DLC1: variants seen among roughly 807,000 people sequenced by gnomAD.
DLC1 encodes the protein rho GTPase-activating protein 7.
Under a neutral mutation model 140.3 loss-of-function variants are expected in DLC1, and 54 were observed. The observed-to-expected ratio is 0.38, with a 90% CI of 0.31 to 0.48. The LOEUF is 0.48. Among genes scored for constraint, DLC1 ranks in the 20% least tolerant of loss-of-function variants. The probability of loss-of-function intolerance (pLI) is 0.96; values close to 1 mark genes in which losing one functional copy is unlikely to be tolerated. For missense variants in DLC1, 2,536 were observed against 1,907.0 expected, an observed-to-expected ratio of 1.33 and a Z score of -6.14; for synonymous variants, 986 against 728.1, an observed-to-expected ratio of 1.35 and a Z score of -5.70.
chr8:13,378,584 A>G (rs1178611093), intron 4 of DLC1, among the ~76,000 whole-genome samples: 1 of 152,180 alleles, frequency 6.6e-6, no homozygotes, highest in Non-Finnish European at 1.5e-5. Flanking sequence ...GAATTATTTC[A>G]CTTATTTACA....
chr8:13,113,705 C>T (rs912486677), intron 6 of DLC1, among the ~76,000 whole-genome samples: 1 of 152,184 alleles, frequency 6.6e-6, no homozygotes, highest in Non-Finnish European at 1.5e-5. Flanking sequence ...TGCTGGTCCC[C>T]CTTTCCCCAA....
intron 1 of DLC1, among the ~76,000 whole-genome samples, chr8:13,587,598 A>C (rs1805372126): frequency 1.7e-5 from 1 of 57,226 alleles, no homozygotes; most frequent in African/African-American, 6.9e-5. Context: ...ATATATATAC[A>C]TTGCATATAT....
At chr8:13,582,021 T>C (rs529637838) in intron 1 of DLC1, among the ~76,000 whole-genome samples, 2 of 152,224 alleles carry the variant, frequency 1.3e-5, no homozygotes, top group African/African-American at 4.8e-5. Context: ...AAAGTTCTAG[T>C]CCCATGGGGT....
chr8:13,356,953 T>C (rs931409028), intron 4 of DLC1, among the ~76,000 whole-genome samples: 3 of 152,194 alleles, frequency 2.0e-5, no homozygotes, highest in South Asian at 4.1e-4. Context: ...GATTTACAAG[T>C]ACGAGTTCAG....
At chr8:13,602,726 A>G (rs1805930233) in intron 1 of DLC1, among the ~76,000 whole-genome samples, 1 of 151,930 alleles carries the variant, frequency 6.6e-6, no homozygotes, top group South Asian at 2.1e-4. Flanking sequence ...CCAGTTGCTA[A>G]AACAAAACAA....
intron 5 of DLC1, among the ~76,000 whole-genome samples, chr8:13,262,733 C>A (rs1032591272): frequency 7.9e-5 from 12 of 152,094 alleles, no homozygotes; most frequent in African/African-American, 2.7e-4. Context: ...GATCATGAAC[C>A]ACCATTTTTA....
chr8:13,122,101 GTCC>G (rs967218348), intron 5 of DLC1, among the ~76,000 whole-genome samples: 5 of 151,750 alleles, frequency 3.3e-5, no homozygotes, highest in Non-Finnish European at 7.4e-5. Context: ...CAACAAATCC[GTCC>G]TCCTTCAAGG....
chr8:13,382,986 A>T (rs1450421973), intron 4 of DLC1, among the ~76,000 whole-genome samples: 2 of 152,242 alleles, frequency 1.3e-5, no homozygotes, highest in Non-Finnish European at 2.9e-5. Context: ...GAAAGAGATC[A>T]TATGAGCAGA....
intron 1 of DLC1, among the ~76,000 whole-genome samples, chr8:13,521,455 T>A (rs1229447728): frequency 6.6e-6 from 1 of 151,588 alleles, no homozygotes; most frequent in Admixed American, 6.6e-5. Flanking sequence ...GAGCCCACAG[T>A]CTTCAGCTTC....
chr8:13,393,408 T>C (rs1836856297), intron 4 of DLC1, 145 bp downstream of exon 4: 1 of 908,132 alleles, frequency 1.1e-6, no homozygotes, highest in South Asian at 2.4e-5. Flanking sequence ...TCTAGGGTTG[T>C]ACTTAATTAA....
intron 5 of DLC1, among the ~76,000 whole-genome samples, chr8:13,188,105 C>G (rs1242174696): frequency 4.3e-5 from 5 of 116,162 alleles, no homozygotes; most frequent in Non-Finnish European, 6.6e-5. Flanking sequence ...TTTTTTGAGA[C>G]AGAGTCTTGC....
At chr8:13,562,845 A>G (rs1311444712) in intron 1 of DLC1, among the ~76,000 whole-genome samples, 1 of 152,196 alleles carries the variant, frequency 6.6e-6, no homozygotes, top group African/African-American at 2.4e-5. Context: ...AATCTTAGAA[A>G]TAAATGAGAA....
At chr8:13,386,826 G>A (rs17216024) in intron 4 of DLC1, among the ~76,000 whole-genome samples, 16,358 of 151,890 alleles carry the variant, frequency 0.11, 1,080 homozygotes, top group Non-Finnish European at 0.15. Context: ...TGGTGACTCA[G>A]TTCTTCCTTA....
chr8:13,154,335 C>G (rs1012582522), intron 5 of DLC1, among the ~76,000 whole-genome samples: 1 of 152,224 alleles, frequency 6.6e-6, no homozygotes, highest in African/African-American at 2.4e-5. Context: ...GTCGGGAGCC[C>G]TGCCCTGCTG....
intron 2 of DLC1, among the ~76,000 whole-genome samples, chr8:13,477,543 A>G (rs7008673): frequency 0.033 from 5,011 of 152,318 alleles, 271 homozygotes; most frequent in African/African-American, 0.11. Context: ...TTGATAAAAA[A>G]CCAAGACATA....
chr8:13,432,624 C>T (rs940694616), intron 2 of DLC1, among the ~76,000 whole-genome samples: 3 of 152,138 alleles, frequency 2.0e-5, no homozygotes, highest in Admixed American at 6.5e-5. Context: ...ATCTCTTCTG[C>T]CCATAGGAAG....
chr8:13,124,361 A>G (rs562075016), intron 5 of DLC1, among the ~76,000 whole-genome samples: 6 of 152,328 alleles, frequency 3.9e-5, no homozygotes, highest in African/African-American at 1.4e-4. Flanking sequence ...AGGACCCTGA[A>G]TGAAGTAAGA....
chr8:13,207,448 G>A (rs897877949), intron 5 of DLC1, among the ~76,000 whole-genome samples: 3 of 151,954 alleles, frequency 2.0e-5, no homozygotes, highest in Admixed American at 1.3e-4. Context: ...AGTTTGAATC[G>A]GTGTGCCTCC....
At chr8:13,440,828 G>A (rs897152154) in intron 2 of DLC1, among the ~76,000 whole-genome samples, 5 of 152,022 alleles carry the variant, frequency 3.3e-5, no homozygotes, top group Admixed American at 6.6e-5. Context: ...CTGCTGCCAC[G>A]TAAGAAGTGC....
Sources: gnomAD v4.1 joint callset for allele counts (sites outside exome capture counted in the v4.1 genomes callset) on GRCh38, gnomAD v4.1.1 for gene constraint, MANE v1.5 for transcripts, NCBI Gene and HGNC (gene_info 2026-07-23, HGNC 2026-07-21) for gene names.